Variants in AARS2 observed in about 807,000 individuals in gnomAD.
AARS2 encodes alanyl-tRNA synthetase 2, mitochondrial, also known as alanine--tRNA ligase, mitochondrial.
AARS2 carries 78 observed loss-of-function variants against 119.7 expected under a neutral mutation model. The observed-to-expected ratio is 0.65, with a 90% confidence interval of 0.54 to 0.79. The LOEUF (loss-of-function observed/expected upper bound fraction) is 0.79, where lower values mean the gene tolerates loss of function less well. Ranked by LOEUF, AARS2 falls within the 30% of genes least tolerant of loss-of-function variation. AARS2 has a pLI of 0.00. For synonymous variants in AARS2, 502 were observed against 526.3 expected (o/e 0.95, Z 0.63); for missense variants, 1,157 against 1,291.3 (o/e 0.90, Z 1.59).
In AARS2 at chr6:44,300,608, C is replaced by T; in HGVS notation, c.2897G>A (p.Ser966Asn). The change falls in exon 22 of 22, where the codon AGC (serine) becomes AAC (asparagine). Residue 966 changes from serine to asparagine, a missense_variant. Ser to Asn is a conservative substitution (Grantham distance 46, BLOSUM62 1). Coordinates refer to ENST00000244571, the MANE Select transcript of AARS2 (RefSeq NM_020745.4). ...GSRVVAQGTG[S>N]TTDLEAALSI... Reference sequence around the variant, plus strand: ...GAGGGCAGCTTCCAGGTCAGTAGTGCTTCCGGTGCCTTGGGCCACCACTCG... The same window carrying T: ...GAGGGCAGCTTCCAGGTCAGTAGTGTTTCCGGTGCCTTGGGCCACCACTCG... The T allele has an allele frequency of 1.2e-6, 2 of 1,613,962 alleles. No homozygotes were observed. Among genetic ancestry groups the T allele is most frequent in the African/African-American group, 1.3e-5 (1 of 74,946 alleles).
intron 1 of AARS2, 96 bp from the exon 2 acceptor site, chr6:44,312,359 G>A (rs1163155224): frequency 5.9e-5 from 76 of 1,279,084 alleles, no homozygotes; most frequent in South Asian, 5.5e-4. Context: ...TGTTCAGACC[G>A]AAGGCTGACT....
chr6:44,302,065 C>T lies in AARS2; in HGVS notation c.2593G>A (p.Gly865Arg), dbSNP rs771367712. 1.2e-6 allele frequency: 2 copies of T among 1,614,102 alleles called. No individual in the cohort carries two copies. The highest frequency in any genetic ancestry group is 2.2e-5 in the South Asian group (2 of 91,074). ...GCAGCCAAACCTCCTCTCACCTGTC[C>T]CATTTGCAGCTTACGGATGGCAGTG... ...ANTAIRKLQM[G>R]QAAKKTQELL... The change falls in exon 19 of 22, where the codon GGA (glycine) becomes AGA (arginine). Residue 865 changes from glycine (G) to arginine (R), a missense_variant. Gly to Arg is a moderately radical substitution (Grantham distance 125). Coordinates refer to ENST00000244571, the MANE Select transcript of AARS2 (RefSeq NM_020745.4).
rs1330505753 is a variant in AARS2, at chr6:44,299,012, G to A, written c.*1535C>T. 9.2e-5 allele frequency among the ~76,000 whole-genome samples: 14 copies of A among 152,084 alleles called. No individual in the cohort carries two copies. The highest frequency in any genetic ancestry group is 5.9e-4 in the Admixed American group (9 of 15,262). Reference sequence around the variant, plus strand: ...ATAAGCATATTGTTTGTCTGACCCCGCTCTCCAGCCTCCTCACCTGCCCCT... The same window carrying A: ...ATAAGCATATTGTTTGTCTGACCCCACTCTCCAGCCTCCTCACCTGCCCCT... On this transcript the variant is annotated 3_prime_UTR_variant, in exon 22 of 22. Transcript: ENST00000244571.
rs325003 is a variant in AARS2, at chr6:44,302,961, G to C, written c.2256-51C>G. The C allele has an allele frequency of 8.2e-3, 13,184 of 1,605,122 alleles. 74 individuals are homozygous for C. Among genetic ancestry groups the C allele is most frequent in the Non-Finnish European group, 0.01 (11,891 of 1,172,546 alleles). Reference sequence around the variant, plus strand: ...AGTCGGGGCATGACAGTAGAGAAGGGAGAAGCCAGCGTGCATCTCCCATTA... The same window carrying C: ...AGTCGGGGCATGACAGTAGAGAAGGCAGAAGCCAGCGTGCATCTCCCATTA... On this transcript the variant is annotated intron_variant, in intron 16 of 21. Coordinates refer to ENST00000244571, the MANE Select transcript of AARS2 (RefSeq NM_020745.4).
At position 44,310,462 on chromosome 6, in the gene AARS2, C is replaced by T; in HGVS notation, c.750-19G>A. The T allele has an allele frequency of 3.7e-6, 6 of 1,612,204 alleles. No homozygotes were observed. Among genetic ancestry groups the T allele is most frequent in the Non-Finnish European group, 5.1e-6 (6 of 1,179,852 alleles). ...TGCCTCTCTGGCCAGGGAAGGTGTG[C>T]AAGGTGAGGCCCCACCCAGGATTAC... On this transcript the variant is annotated intron_variant, in intron 4 of 21. Transcript: ENST00000244571.
In AARS2 at chr6:44,302,137, G is replaced by A. The variant is rs918980694; in HGVS notation, c.2521C>T (p.Arg841Trp). Residue 841 changes from arginine to tryptophan, a missense_variant, in exon 19 of 22, where the codon CGG becomes TGG. Coordinates refer to ENST00000244571, the MANE Select transcript of AARS2 (RefSeq NM_020745.4). ...TTCACTGTGGCCAGCAGCTCCCGCCGCTGCCACTGGGGCATCACAGCAGTT... is the reference window on the plus strand; with the variant it reads ...TTCACTGTGGCCAGCAGCTCCCGCCACTGCCACTGGGGCATCACAGCAGTT... ...VETAVMPQWQ[R>W]RELLATVKML... 56 of 1,613,666 alleles carry A rather than the reference G, an allele frequency of 3.5e-5. No individual in the cohort carries two copies. Among genetic ancestry groups the A allele is most frequent in the Non-Finnish European group, 3.9e-5 (46 of 1,180,022 alleles).
Position 44,305,649 on chromosome 6 carries a change from G to T in AARS2, c.1434+4C>A. ...AACCCAGCATGGGGTGCCACAGCTT[G>T]TACCTGGGCCTCCTCTTGGGCCAAC... On this transcript the variant is annotated splice_donor_region_variant and intron_variant, in intron 10 of 21. Coordinates refer to ENST00000244571, the MANE Select transcript of AARS2 (RefSeq NM_020745.4). The surrounding 1 kb of genome is among the most constrained non-coding windows in gnomAD (Gnocchi z 4.6). 1 of 1,613,910 alleles carries T rather than the reference G, an allele frequency of 6.2e-7. No individual in the cohort carries two copies. Among genetic ancestry groups the T allele is most frequent in the Non-Finnish European group, 8.5e-7 (1 of 1,179,986 alleles).
intron 18 of AARS2, 22 bp downstream of exon 18, chr6:44,302,369 G>C (rs1303296666): frequency 6.2e-7 from 1 of 1,613,890 alleles, no homozygotes; most frequent in African/African-American, 1.3e-5. Context: ...GGAGAGGGTG[G>C]GGTGGTAGGC....
intron 3 of AARS2, 110 bp from the exon 4 acceptor site, chr6:44,311,271 G>T: frequency 6.2e-7 from 1 of 1,601,652 alleles, no homozygotes; most frequent in Non-Finnish European, 8.6e-7. Context: ...AGGAGGAACA[G>T]GGCTGACCCC....
chr6:44,300,520 C>G lies in AARS2; in HGVS notation c.*27G>C. On this transcript the variant is annotated 3_prime_UTR_variant, in exon 22 of 22. Transcript: ENST00000244571. ...CAGGGCTCCTGGCATTGCCTTTAGT[C>G]CATGTGGGTCCCTGGGCGGACCTGG... The G allele has an allele frequency of 6.2e-7, 1 of 1,613,786 alleles. No homozygotes were observed. Among genetic ancestry groups the G allele is most frequent in the Non-Finnish European group, 8.5e-7 (1 of 1,180,022 alleles).
chr6:44,303,028 G>A (rs1351898002), intron 16 of AARS2, 38 bp downstream of exon 16: 24 of 1,610,722 alleles, frequency 1.5e-5, no homozygotes, highest in Non-Finnish European at 1.7e-5. Context: ...GCAAGGATCC[G>A]GGGCCCCTGG....
Position 44,310,350 on chromosome 6 carries a change from G to A in AARS2, c.843C>T (p.His281=). The A allele has an allele frequency of 1.9e-6, 3 of 1,613,524 alleles. No homozygotes were observed. Among genetic ancestry groups the A allele is most frequent in the East Asian group, 2.2e-5 (1 of 44,886 alleles). The change falls in exon 5 of 22, where the codon CAC becomes CAT. Residue 281 remains histidine, a synonymous_variant. Coordinates refer to ENST00000244571, the MANE Select transcript of AARS2 (RefSeq NM_020745.4). ...ERLVAVLQGK[H]STYDTDLFSP... Reference sequence around the variant, plus strand: ...AAAAGAGGTCAGTGTCATAGGTGGAGTGTTTGCCTTGCAGCACAGCCACCA... The same window carrying A: ...AAAAGAGGTCAGTGTCATAGGTGGAATGTTTGCCTTGCAGCACAGCCACCA...
At chr6:44,309,149 G>C (rs145085692) in intron 5 of AARS2, among the ~76,000 whole-genome samples, 84 of 152,322 alleles carry the variant, frequency 5.5e-4, no homozygotes, top group Admixed American at 2.3e-3. Flanking sequence ...AAACAACACT[G>C]TTCTGAGCCT....
At chr6:44,302,035 TG>T in intron 19 of AARS2, 24 bp downstream of exon 19, 3 of 1,611,100 alleles carry the variant, frequency 1.9e-6, no homozygotes, top group Non-Finnish European at 2.5e-6. Flanking sequence ...TCTGGGCACA[TG>T]GGTGCAGCCA....
At position 44,312,249 on chromosome 6, in the gene AARS2, A is replaced by G. The variant is rs1786423699; in HGVS notation, c.258T>C (p.Phe86=). Reference sequence around the variant, plus strand: ...CGCTTCGTGGATCCACGGTGCCCAGAAAGATTGGCTTGAACTGGAAGCACA... The same window carrying G: ...CGCTTCGTGGATCCACGGTGCCCAGGAAGATTGGCTTGAACTGGAAGCACA... The part of the protein sequence containing the change: ...NAGMNQFKPI[F]LGTVDPRSEM... Residue 86 remains phenylalanine (F), a synonymous_variant, in exon 2 of 22, where the codon TTT becomes TTC. Transcript: ENST00000244571. 1 of 1,613,772 alleles carries G rather than the reference A, an allele frequency of 6.2e-7. No individual in the cohort carries two copies. The highest frequency in any genetic ancestry group is 1.3e-5 in the African/African-American group (1 of 74,920).
At chr6:44,311,658 G>A in intron 2 of AARS2, 123 bp from the exon 3 acceptor site, 1 of 1,222,852 alleles carries the variant, frequency 8.2e-7, no homozygotes, top group Non-Finnish European at 1.2e-6. Flanking sequence ...CTGCCATCTT[G>A]TTCCCAGAAT....
intron 1 of AARS2, 111 bp from the exon 2 acceptor site, chr6:44,312,374 C>A: frequency 9.1e-7 from 1 of 1,099,152 alleles, no homozygotes; most frequent in Non-Finnish European, 1.3e-6. Context: ...CTGACTGTGC[C>A]CCTGAGAGTG....
intron 18 of AARS2, 60 bp from the exon 19 acceptor site, chr6:44,302,230 G>A (rs1051574260): frequency 1.4e-5 from 22 of 1,610,652 alleles, no homozygotes; most frequent in Non-Finnish European, 1.9e-5. Context: ...TCTGAGGTAG[G>A]GACCAGCAGG....
In AARS2 at chr6:44,304,793, A is replaced by C; in HGVS notation, c.1604T>G (p.Val535Gly). ...CCCGTCCTCTGTATACAGTTGCAACACCTGGGCCTCACAGGTGCCGAACTC... is the reference window on the plus strand; with the variant it reads ...CCCGTCCTCTGTATACAGTTGCAACCCCTGGGCCTCACAGGTGCCGAACTC... ...SYEFGTCEAQ[V>G]LQLYTEDGTA... The change falls in exon 12 of 22, where the codon GTG becomes GGG. Residue 535 changes from valine (V) to glycine (G), a missense_variant. Transcript: ENST00000244571. The C allele has an allele frequency of 6.2e-7, 1 of 1,614,142 alleles. No homozygotes were observed. Among genetic ancestry groups the C allele is most frequent in the Non-Finnish European group, 8.5e-7 (1 of 1,180,014 alleles).
Sources: gnomAD v4.1 joint callset for allele counts (sites outside exome capture counted in the v4.1 genomes callset) on GRCh38, gnomAD v4.1.1 for gene constraint, Gnocchi (gnomAD v3.1) non-coding constraint, MANE v1.5 for transcripts, NCBI Gene and HGNC (gene_info 2026-07-23, HGNC 2026-07-21) for gene names.